IL1RAPL1: variants seen among roughly 807,000 people sequenced by gnomAD.
IL1RAPL1 encodes interleukin 1 receptor accessory protein like 1.
In IL1RAPL1, 3 loss-of-function variants were observed where a neutral mutation model predicts 48.4. The observed-to-expected ratio is 0.06, with a 90% CI of 0.03 to 0.16. The LOEUF (loss-of-function observed/expected upper bound fraction) is 0.16. Among genes scored for constraint, IL1RAPL1 ranks in the 10% least tolerant of loss-of-function variants. IL1RAPL1 has a pLI of 1.00. For synonymous variants in IL1RAPL1, 185 were observed against 187.7 expected (o/e 0.99, Z 0.12); for missense variants, 349 against 530.6 (o/e 0.66, Z 3.36).
intron 6 of IL1RAPL1, among the ~76,000 whole-genome samples, chrX:29,828,434 A>G (rs1169838347): frequency 9.0e-6 from 1 of 111,676 alleles, no homozygotes; most frequent in African/African-American, 3.3e-5. Flanking sequence ...ACCAAGGACT[A>G]AGGTAGAGAT....
At chrX:29,569,805 A>G (rs989115647) in intron 5 of IL1RAPL1, among the ~76,000 whole-genome samples, 1 of 112,296 alleles carries the variant, frequency 8.9e-6, no homozygotes, top group Non-Finnish European at 1.9e-5. Context: ...TTGCTTAATT[A>G]ATATATTTCC....
chrX:29,376,902 G>C (rs773734838), intron 3 of IL1RAPL1, among the ~76,000 whole-genome samples: 2 of 111,869 alleles, frequency 1.8e-5, no homozygotes, highest in South Asian at 7.4e-4. Flanking sequence ...TCAATTGGTT[G>C]AGTGTCAAGT....
At chrX:29,893,903 A>G (rs754275675) in intron 6 of IL1RAPL1, among the ~76,000 whole-genome samples, 3 of 111,954 alleles carry the variant, frequency 2.7e-5, no homozygotes, top group African/African-American at 9.7e-5. Context: ...TTGTTGACAG[A>G]GAGACATTTA....
intron 6 of IL1RAPL1, among the ~76,000 whole-genome samples, chrX:29,842,004 T>TTAA (rs1357056059): frequency 3.6e-5 from 4 of 112,128 alleles, no homozygotes; most frequent in African/African-American, 1.3e-4. Flanking sequence ...CAGAATGCAC[T>TTAA]TAATGCCTTC....
intron 3 of IL1RAPL1, among the ~76,000 whole-genome samples, chrX:29,299,408 TC>T (rs1932499566): frequency 8.9e-6 from 1 of 111,885 alleles, no homozygotes; most frequent in Non-Finnish European, 1.9e-5. Context: ...CTTAGTTAAT[TC>T]TCATCATATT....
chrX:29,314,179 G>A (rs1932759332), intron 3 of IL1RAPL1, among the ~76,000 whole-genome samples: 1 of 111,970 alleles, frequency 8.9e-6, no homozygotes, highest in African/African-American at 3.2e-5. Flanking sequence ...ACTTGACACA[G>A]GGTCTTAGTT....
intron 2 of IL1RAPL1, among the ~76,000 whole-genome samples, chrX:29,040,717 A>G (rs1347392902): frequency 1.8e-5 from 2 of 112,309 alleles, no homozygotes; most frequent in Non-Finnish European, 3.8e-5. Context: ...TTCACGCTTT[A>G]TGGTGTAGGT....
chrX:29,914,356 C>A (rs1400676034), intron 6 of IL1RAPL1, among the ~76,000 whole-genome samples: 1 of 111,776 alleles, frequency 8.9e-6, no homozygotes, highest in East Asian at 2.8e-4. Flanking sequence ...GACAGTAATT[C>A]AGGTTCCAAT....
At chrX:29,778,669 G>C (rs908267111) in intron 6 of IL1RAPL1, among the ~76,000 whole-genome samples, 5 of 112,162 alleles carry the variant, frequency 4.5e-5, no homozygotes, top group African/African-American at 1.6e-4. Context: ...TCTCCAATGA[G>C]AATGTCCCAT....
chrX:29,228,192 A>G (rs867336261), intron 2 of IL1RAPL1, among the ~76,000 whole-genome samples: 4 of 96,255 alleles, frequency 4.2e-5, no homozygotes, highest in African/African-American at 7.4e-5. Flanking sequence ...ACACACACAC[A>G]CACACACACA....
At chrX:29,328,631 G>GTATA (rs551009907) in intron 3 of IL1RAPL1, among the ~76,000 whole-genome samples, 298 of 101,854 alleles carry the variant, frequency 2.9e-3, no homozygotes, top group African/African-American at 0.011. Flanking sequence ...AATTATATAT[G>GTATA]TATATATATA....
At position 29,706,518 on chromosome X, in the gene IL1RAPL1, C is replaced by CA. The variant is rs747352438; in HGVS notation, c.778+38017dup. On this transcript the variant is annotated intron_variant, in intron 6 of 10. Coordinates refer to ENST00000378993, the MANE Select transcript of IL1RAPL1 (RefSeq NM_014271.4). ...TCCAAATGGGGGAAATTGACCAAAA[C>CA]AAAGGGGCTACAGGCCTCATGCAAG... Among the ~76,000 whole-genome samples, 22 of 111,615 alleles carry CA rather than the reference C, an allele frequency of 2.0e-4. No individual in the cohort carries two copies. In the South Asian group the frequency reaches 2.3e-3, roughly 11 times the overall value.
chrX:28,768,753 C>CTATATATATATATATATA (rs1190280943), intron 1 of IL1RAPL1, among the ~76,000 whole-genome samples: 1 of 53,578 alleles, frequency 1.9e-5, no homozygotes, highest in Non-Finnish European at 3.2e-5. Flanking sequence ...CTCTCTCTCT[C>CTATATATATATATATATA]TCTATATATA....
chrX:29,772,964 T>TA (rs201129286), intron 6 of IL1RAPL1, among the ~76,000 whole-genome samples: 7,456 of 110,121 alleles, frequency 0.068, 213 homozygotes, highest in Middle Eastern at 0.22. Flanking sequence ...CATTTCTAGT[T>TA]AAAAAAAAAT....
chrX:28,909,478 G>C (rs997636066), intron 2 of IL1RAPL1, among the ~76,000 whole-genome samples: 1 of 111,080 alleles, frequency 9.0e-6, no homozygotes, highest in Non-Finnish European at 1.9e-5. Context: ...TTTAAACTTA[G>C]AACATTTCAT....
chrX:28,984,885 G>A (rs773617454), intron 2 of IL1RAPL1, among the ~76,000 whole-genome samples: 1 of 111,651 alleles, frequency 9.0e-6, no homozygotes, highest in Non-Finnish European at 1.9e-5. Context: ...ATTTCATGAG[G>A]CCTCTAGAGT....
At chrX:28,665,891 G>A (rs187233015) in intron 1 of IL1RAPL1, among the ~76,000 whole-genome samples, 2 of 112,267 alleles carry the variant, frequency 1.8e-5, no homozygotes, top group African/African-American at 6.5e-5. Flanking sequence ...TGTCATAGAA[G>A]TGGGAGGAAA....
At chrX:29,013,447 A>G (rs906472545) in intron 2 of IL1RAPL1, among the ~76,000 whole-genome samples, 7 of 112,115 alleles carry the variant, frequency 6.2e-5, no homozygotes, top group African/African-American at 3.2e-5. Context: ...TCACCATAGC[A>G]AAGACATGGA....
chrX:28,642,834 C>A (rs764467804), intron 1 of IL1RAPL1, among the ~76,000 whole-genome samples: 19 of 110,733 alleles, frequency 1.7e-4, no homozygotes, highest in African/African-American at 6.2e-4. Flanking sequence ...GAGACAGAGA[C>A]ACGAAACACG....
Sources: gnomAD v4.1 joint callset for allele counts (sites outside exome capture counted in the v4.1 genomes callset) on GRCh38, gnomAD v4.1.1 for gene constraint, MANE v1.5 for transcripts, NCBI Gene and HGNC (gene_info 2026-07-23, HGNC 2026-07-21) for gene names.